The following TARBP1 variants were observed in gnomAD, a reference collection of about 807,000 sequenced individuals.
The protein encoded by TARBP1 is tRNA guanosine 2 -O-methyltransferase TARBP1, also known as tRNA (guanosine(18)-2'-O)-methyltransferase TARBP1.
In TARBP1, 144 loss-of-function variants were observed where a neutral mutation model predicts 178.6. That is an observed-to-expected ratio of 0.81 (90% confidence interval 0.70 to 0.93). The LOEUF (loss-of-function observed/expected upper bound fraction) is 0.93, where lower values mean the gene tolerates loss of function less well. Among genes scored for constraint, TARBP1 ranks in the 40% least tolerant of loss-of-function variants. The pLI is 0.00. For synonymous variants in TARBP1, 787 were observed against 781.0 expected, an observed-to-expected ratio of 1.01 and a Z score of -0.13; for missense variants, 2,067 against 2,011.7, an observed-to-expected ratio of 1.03 and a Z score of -0.53.
Position 234,434,242 on chromosome 1 carries a change from A to G in TARBP1, c.2233-671T>C, listed in dbSNP as rs191943829. The stretch of plus-strand genomic sequence containing the variant: ...CCTTGTCCTTGTCCATAATATAGAG[A>G]TAGTAATATTTATCCATCACAGGGT... On this transcript the variant is annotated intron_variant, in intron 13 of 29. Coordinates refer to ENST00000040877, the MANE Select transcript of TARBP1 (RefSeq NM_005646.4). 2.2e-3 allele frequency among the ~76,000 whole-genome samples: 340 copies of G among 152,316 alleles called. 1 individual carries two copies. The highest frequency in any genetic ancestry group is 3.9e-3 in the Non-Finnish European group (262 of 68,036).
Position 234,427,566 on chromosome 1 carries a change from C to T in TARBP1, c.3251+10G>A, listed in dbSNP as rs781598719. On this transcript the variant is annotated intron_variant, in intron 18 of 29. Transcript: ENST00000040877. ...AAGTTATGACCAGTTGAAATAATAG[C>T]ATCTTTTACCTTTGATCACGCCTAA... The T allele has an allele frequency of 2.3e-5, 36 of 1,589,024 alleles. No homozygotes were observed. The highest frequency in any genetic ancestry group is 1.9e-4 in the Admixed American group (10 of 53,132).
At chr1:234,472,577 A>T (rs918231606) in intron 2 of TARBP1, 137 bp downstream of exon 2, 7 of 579,068 alleles carry the variant, frequency 1.2e-5, no homozygotes, top group Non-Finnish European at 2.1e-5. Flanking sequence ...CATTTATGCC[A>T]GACAACAAAG....
At position 234,479,049 on chromosome 1, in the gene TARBP1, G is replaced by A. The variant is rs775443959; in HGVS notation, c.55C>T (p.Leu19=). 6.5e-7 allele frequency: 1 copy of A among 1,538,910 alleles called. No individual in the cohort carries two copies. Among genetic ancestry groups the A allele is most frequent in the Non-Finnish European group, 8.7e-7 (1 of 1,155,812 alleles). The part of the protein sequence containing the change: ...LLSQSRDPRA[L]LGALCQGEAS... The stretch of plus-strand genomic sequence containing the variant: ...TCCCCTTGGCACAGCGCCCCAAGCA[G>A]GGCCCGGGGGTCCCGGCTCTGCGAG... Residue 19 remains leucine, a synonymous_variant, in exon 1 of 30, where the codon CTG becomes TTG. Coordinates refer to ENST00000040877, the MANE Select transcript of TARBP1 (RefSeq NM_005646.4).
intron 12 of TARBP1, among the ~76,000 whole-genome samples, chr1:234,443,215 G>A (rs866461171): frequency 5.9e-5 from 9 of 151,550 alleles, no homozygotes; most frequent in South Asian, 4.2e-4. Flanking sequence ...ACTTGAACCC[G>A]GGAGGCAAAG....
In TARBP1 at chr1:234,479,119, G is replaced by C; in HGVS notation, c.-16C>G. The C allele has an allele frequency of 6.6e-7, 1 of 1,520,970 alleles. No individual in the cohort carries two copies. Among genetic ancestry groups the C allele is most frequent in the Non-Finnish European group, 8.7e-7 (1 of 1,147,858 alleles). The allele number at this position is 1,520,970 out of a possible 1,614,324, so 94.2% of individuals were successfully genotyped here. A position where few individuals can be genotyped will look rare whatever the true frequency, so the allele number is the denominator to read the frequency against. On this transcript the variant is annotated 5_prime_UTR_variant, in exon 1 of 30. Transcript: ENST00000040877. ...CCCACTCCATTTGCCGAGCGCCCGC[G>C]CCACCGGCCCGGGCTCCCAAAGGAA... is the stretch of plus-strand genomic sequence containing the variant.
intron 9 of TARBP1, among the ~76,000 whole-genome samples, chr1:234,452,410 C>CAAAA (rs1211234198): frequency 6.6e-6 from 1 of 152,142 alleles, no homozygotes; most frequent in Non-Finnish European, 1.5e-5. Context: ...CAAAAATGTG[C>CAAAA]AAAAGAACTG....
Position 234,465,709 on chromosome 1 carries a change from C to CAAA in TARBP1, c.1249-2_1249-1insTTT. 8.9e-7 allele frequency: 1 copy of CAAA among 1,123,504 alleles called. No individual in the cohort carries two copies. The highest frequency in any genetic ancestry group is 2.2e-5 in the South Asian group (1 of 46,042). 69.6% of individuals were successfully genotyped at this position (1,123,504 alleles called of 1,614,324 possible). On this transcript the variant is annotated splice_acceptor_variant, in intron 4 of 29. Transcript: ENST00000040877. LOFTEE classifies it high-confidence loss of function. The stretch of plus-strand genomic sequence containing the variant: ...CATCCATTAATGGTCCAATAATAAA[C>CAAA]TAAAAAAAAAAAAAAAAAAAGACAC...
At chr1:234,425,827 A>G (rs973813547) in intron 19 of TARBP1, 34 bp from the exon 20 acceptor site, 1 of 1,454,740 alleles carries the variant, frequency 6.9e-7, no homozygotes, top group African/African-American at 1.4e-5. Flanking sequence ...ATGTTAATAC[A>G]TTTTGAAAAC....
Position 234,450,458 on chromosome 1 carries a change from G to C in TARBP1, c.1831C>G (p.Gln611Glu), listed in dbSNP as rs1181227300. 6.2e-7 allele frequency: 1 copy of C among 1,607,410 alleles called. No homozygotes were observed. The highest frequency in any genetic ancestry group is 8.5e-7 in the Non-Finnish European group (1 of 1,177,962). The change falls in exon 10 of 30, where the codon CAA (glutamine) becomes GAA (glutamate). Residue 611 changes from glutamine to glutamate, a missense_variant. Coordinates refer to ENST00000040877, the MANE Select transcript of TARBP1 (RefSeq NM_005646.4). ...SLNAYVKSIV[Q>E]EYVKSSAWET... is the part of the protein sequence containing the mutation. ...CAAGCAGATGACTTAACATACTCTT[G>C]AACAATGCTCTTTACATAAGCATTT... is the stretch of plus-strand genomic sequence containing the variant.
chr1:234,466,738 C>A (rs1668478305), intron 4 of TARBP1, among the ~76,000 whole-genome samples: 1 of 152,048 alleles, frequency 6.6e-6, no homozygotes, highest in African/African-American at 2.4e-5. Context: ...TGGCACCCAC[C>A]TGTAATCCCA....
rs1201498369 is a variant in TARBP1, at chr1:234,478,613, G to T, written c.491C>A (p.Ala164Glu). 2 of 1,303,334 alleles carry T rather than the reference G, an allele frequency of 1.5e-6. No homozygotes were observed. The highest frequency in any genetic ancestry group is 9.7e-7 in the Non-Finnish European group (1 of 1,027,138). The allele number at this position is 1,303,334 out of a possible 1,614,324, so 80.7% of individuals were successfully genotyped here. ...CAGCGCCAGGGCGACGGCGGTCCCC[G>T]CCACGCGCTCCAGTAGCGGCCCGTC... ...REDGPLLERVAGTAVALALGG... is the reference protein window; with the variant it reads ...REDGPLLERVEGTAVALALGG... The change falls in exon 1 of 30, where the codon GCG (alanine) becomes GAG (glutamate). Residue 164 changes from alanine to glutamate, a missense_variant. Physicochemically the swap from Ala to Glu is moderately radical, Grantham distance 107. Transcript: ENST00000040877.
intron 26 of TARBP1, among the ~76,000 whole-genome samples, chr1:234,394,864 A>AG (rs1269008332): frequency 6.6e-6 from 1 of 152,070 alleles, no homozygotes. Context: ...AGGCTGAGGG[A>AG]GGATCACCTG....
In TARBP1 at chr1:234,467,578, A is replaced by G. The variant is rs1454096495; in HGVS notation, c.1172T>C (p.Leu391Pro). Residue 391 changes from leucine (L) to proline (P), a missense_variant, in exon 4 of 30, where the codon CTG becomes CCG. Transcript: ENST00000040877. The part of the protein sequence containing the change: ...KRMFESENKI[L>P]SKEGVIHFLE... ...AAAATGGATAACACCTTCTTTGGAC[A>G]GGATTTTGTTTTCACTTTCAAACAT... is the stretch of plus-strand genomic sequence containing the variant. 3 of 1,609,656 alleles carry G rather than the reference A, an allele frequency of 1.9e-6. No individual in the cohort carries two copies. The highest frequency in any genetic ancestry group is 1.3e-5 in the African/African-American group (1 of 74,736).
In TARBP1 at chr1:234,471,272, A is replaced by C. The variant is rs1351438378; in HGVS notation, c.1030-15T>G. 1.8e-5 allele frequency: 28 copies of C among 1,514,916 alleles called. No homozygotes were observed. The highest frequency in any genetic ancestry group is 2.3e-5 in the Non-Finnish European group (26 of 1,111,450). The allele number at this position is 1,514,916 out of a possible 1,614,324, so 93.8% of individuals were successfully genotyped here. A position where few individuals can be genotyped will look rare whatever the true frequency, so the allele number is the denominator to read the frequency against. The stretch of plus-strand genomic sequence containing the variant: ...ATAACATGTATCTAAAAATAAGAGC[A>C]AAAAAATCATATGAAATGAAAATGC... On this transcript the variant is annotated splice_polypyrimidine_tract_variant and intron_variant, in intron 2 of 29. Coordinates refer to ENST00000040877, the MANE Select transcript of TARBP1 (RefSeq NM_005646.4).
Position 234,425,653 on chromosome 1 carries a change from TTA to T in TARBP1, c.3444+18_3444+19del, listed in dbSNP as rs768829863. 302 of 1,490,196 alleles carry T rather than the reference TTA, an allele frequency of 2.0e-4. 1 individual carries two copies. The highest frequency in any genetic ancestry group is 1.2e-3 in the South Asian group (90 of 76,228). The allele number at this position is 1,490,196 out of a possible 1,614,324, so 92.3% of individuals were successfully genotyped here. A position where few individuals can be genotyped will look rare whatever the true frequency, so the allele number is the denominator to read the frequency against. On this transcript the variant is annotated intron_variant, in intron 20 of 29. Transcript: ENST00000040877. The stretch of plus-strand genomic sequence containing the variant: ...TCTGACTGTTAAAAACAAAGATAAT[TTA>T]AAGTAAAATACACTTACTTTATCTA...
At chr1:234,469,307 A>C (rs1220526458) in intron 3 of TARBP1, among the ~76,000 whole-genome samples, 1 of 152,046 alleles carries the variant, frequency 6.6e-6, no homozygotes, top group Admixed American at 6.5e-5. Flanking sequence ...TAAATAAATT[A>C]ATCCATTATT....
chr1:234,477,136 G>C (rs1487992795), intron 1 of TARBP1, among the ~76,000 whole-genome samples: 3 of 152,250 alleles, frequency 2.0e-5, no homozygotes, highest in Non-Finnish European at 4.4e-5. Flanking sequence ...GGTGAGCGGA[G>C]ATTGTGCCAT....
chr1:234,429,184 A>G lies in TARBP1; in HGVS notation c.3012T>C (p.Leu1004=). 1 of 1,599,960 alleles carries G rather than the reference A, an allele frequency of 6.3e-7. No homozygotes were observed. The highest frequency in any genetic ancestry group is 2.2e-5 in the East Asian group (1 of 44,814). ...GGCCCTTGATTTTGGCAGCAATGGTAAGAACTTTGTTATCAAAAACAAACT... is the reference window on the plus strand; with the variant it reads ...GGCCCTTGATTTTGGCAGCAATGGTGAGAACTTTGTTATCAAAAACAAACT... The part of the protein sequence containing the change: ...FVQFVFDNKV[L]TIAAKIKGQA... Residue 1004 remains leucine, a synonymous_variant, in exon 17 of 30, where the codon CTT becomes CTC. Transcript: ENST00000040877.
chr1:234,432,798 A>G (rs1242035571), intron 14 of TARBP1, among the ~76,000 whole-genome samples: 1 of 152,198 alleles, frequency 6.6e-6, no homozygotes, highest in African/African-American at 2.4e-5. Context: ...GGCATTAGAC[A>G]GTGGACAGCT....
Sources: allele counts gnomAD v4.1 joint callset (sites outside exome capture counted in the v4.1 genomes callset), GRCh38; gene constraint gnomAD v4.1.1; transcripts MANE v1.5; gene names NCBI Gene and HGNC (gene_info 2026-07-23, HGNC 2026-07-21).